DLG2: variants seen among roughly 807,000 people sequenced by gnomAD.
DLG2 encodes discs large MAGUK scaffold protein 2, also known as disks large homolog 2.
In DLG2, 45 loss-of-function variants were observed where a neutral mutation model predicts 132.5. The observed-to-expected ratio is 0.34, with a 90% CI of 0.27 to 0.44. The LOEUF (loss-of-function observed/expected upper bound fraction) is 0.44, where lower values mean the gene tolerates loss of function less well. Ranked by LOEUF, DLG2 falls within the 20% of genes least tolerant of loss-of-function variation. The pLI is 1.00. For missense variants in DLG2, 1,045 were observed against 1,196.9 expected (o/e 0.87, Z 1.87); for synonymous variants, 424 against 419.6 (o/e 1.01, Z -0.13).
intron 3 of DLG2, among the ~76,000 whole-genome samples, chr11:85,496,355 T>A (rs1015061957): frequency 6.6e-6 from 1 of 152,112 alleles, no homozygotes; most frequent in African/African-American, 2.4e-5. Flanking sequence ...GGGAGGAGCA[T>A]CCACCATTGC....
intron 6 of DLG2, among the ~76,000 whole-genome samples, chr11:84,853,662 A>G (rs577027824): frequency 3.3e-5 from 5 of 152,146 alleles, no homozygotes; most frequent in African/African-American, 1.2e-4. Flanking sequence ...CTGCCACATG[A>G]CATTAGCAAC....
intron 15 of DLG2, among the ~76,000 whole-genome samples, 194 bp downstream of exon 15, chr11:83,930,130 ATCAC>A (rs1188471008): frequency 6.6e-6 from 1 of 152,182 alleles, no homozygotes; most frequent in Non-Finnish European, 1.5e-5. Flanking sequence ...GTGCTCTGTG[ATCAC>A]TCCAGGGAAT....
chr11:83,863,373 C>G (rs904323983), intron 16 of DLG2, among the ~76,000 whole-genome samples: 1 of 152,148 alleles, frequency 6.6e-6, no homozygotes, highest in Admixed American at 6.6e-5. Flanking sequence ...CTTACTCACT[C>G]CACTATCTGT....
intron 6 of DLG2, among the ~76,000 whole-genome samples, chr11:84,945,414 A>C (rs1056764597): frequency 3.3e-5 from 5 of 152,062 alleles, no homozygotes; most frequent in African/African-American, 1.2e-4. Flanking sequence ...TCAAACAAAC[A>C]AACCCTCTCT....
intron 11 of DLG2, among the ~76,000 whole-genome samples, chr11:84,056,143 G>T (rs1452033691): frequency 2.0e-5 from 3 of 151,942 alleles, no homozygotes; most frequent in Non-Finnish European, 4.4e-5. Context: ...TACCATGGTG[G>T]TTTGCTGCAC....
chr11:83,865,571 T>C (rs1565403992), intron 16 of DLG2, among the ~76,000 whole-genome samples: 2 of 149,196 alleles, frequency 1.3e-5, no homozygotes, highest in Non-Finnish European at 3.0e-5. Context: ...AGGGAGAAAA[T>C]ACAGAAAATA....
intron 6 of DLG2, among the ~76,000 whole-genome samples, chr11:84,913,776 A>T (rs2154078950): frequency 6.6e-6 from 1 of 152,340 alleles, no homozygotes; most frequent in Admixed American, 6.5e-5. Flanking sequence ...TATTACTTTT[A>T]TAATGTTAAA....
At chr11:85,130,555 T>C (rs1049670725) in intron 5 of DLG2, among the ~76,000 whole-genome samples, 1 of 152,228 alleles carries the variant, frequency 6.6e-6, no homozygotes, top group African/African-American at 2.4e-5. Flanking sequence ...CGAAATGTGC[T>C]GTGAATGAAA....
Position 83,877,303 on chromosome 11 carries a change from T to C in DLG2, c.1497-2815A>G, listed in dbSNP as rs565665492. Reference sequence around the variant, plus strand: ...TTTTTTCCGTATACTTATTGGCTAATTGTATATCTTTTGTGCAAAATGTCT... The same window carrying C: ...TTTTTTCCGTATACTTATTGGCTAACTGTATATCTTTTGTGCAAAATGTCT... On this transcript the variant is annotated intron_variant, in intron 15 of 27. Transcript: ENST00000376104. Among the ~76,000 whole-genome samples, 4 of 152,264 alleles carry C rather than the reference T, an allele frequency of 2.6e-5. No individual in the cohort carries two copies. In the South Asian group the frequency reaches 8.3e-4, roughly 32 times the overall value.
In DLG2 at chr11:85,253,782, A is replaced by G. The variant is rs556152166; in HGVS notation, c.186+31438T>C. 3.3e-5 allele frequency among the ~76,000 whole-genome samples: 5 copies of G among 152,236 alleles called. No individual in the cohort carries two copies. The East Asian group carries it at 5.8e-4, about 18-fold the overall frequency. On this transcript the variant is annotated intron_variant, in intron 4 of 27. Transcript: ENST00000376104. ...GTAAATGTGGGAGATTTCATTGCCA[A>G]TGAAAGTGGCTCTCAGTGAGAAGGG...
intron 16 of DLG2, among the ~76,000 whole-genome samples, chr11:83,856,088 T>C (rs1460841762): frequency 6.6e-6 from 1 of 152,214 alleles, no homozygotes; most frequent in African/African-American, 2.4e-5. Context: ...CATGTGGTAT[T>C]TGGTTTTCTG....
rs537270385 is a variant in DLG2, at chr11:83,517,051, C to T, written c.2193+15657G>A. ...ATCTTTGTGGCATTCTCTGTATTTCCTGAATCTGAATGTTGGCCTGCCTTG... is the reference window on the plus strand; with the variant it reads ...ATCTTTGTGGCATTCTCTGTATTTCTTGAATCTGAATGTTGGCCTGCCTTG... On this transcript the variant is annotated intron_variant, in intron 21 of 27. Coordinates refer to ENST00000376104, the MANE Select transcript of DLG2 (RefSeq NM_001142699.3). 1.9e-3 allele frequency among the ~76,000 whole-genome samples: 293 copies of T among 152,206 alleles called. 4 individuals are homozygous for T. Among genetic ancestry groups the T allele is most frequent in the African/African-American group, 6.8e-3 (283 of 41,510 alleles).
At chr11:84,388,295 AT>A (rs767344452) in intron 7 of DLG2, among the ~76,000 whole-genome samples, 4 of 152,224 alleles carry the variant, frequency 2.6e-5, no homozygotes, top group Non-Finnish European at 5.9e-5. Context: ...AATCTTTCAT[AT>A]TGTCAATCTC....
intron 4 of DLG2, among the ~76,000 whole-genome samples, chr11:85,204,622 C>T (rs548457506): frequency 4.6e-5 from 7 of 152,044 alleles, no homozygotes; most frequent in Admixed American, 1.3e-4. Flanking sequence ...AAGCAATCTA[C>T]GAATTCAATG....
chr11:83,545,442 G>A (rs1465178339), intron 19 of DLG2, among the ~76,000 whole-genome samples: 1 of 152,112 alleles, frequency 6.6e-6, no homozygotes, highest in Non-Finnish European at 1.5e-5. Flanking sequence ...CTTAAAAGCT[G>A]TTTTCTGGAC....
At chr11:84,212,101 G>C (rs564570031) in intron 8 of DLG2, among the ~76,000 whole-genome samples, 44 of 152,272 alleles carry the variant, frequency 2.9e-4, no homozygotes, top group Non-Finnish European at 5.0e-4. Flanking sequence ...TTCAAATGAA[G>C]TAATCTATCT....
chr11:84,118,005 G>A (rs2093717776), intron 9 of DLG2, among the ~76,000 whole-genome samples: 1 of 151,904 alleles, frequency 6.6e-6, no homozygotes, highest in African/African-American at 2.4e-5. Context: ...ACAGGCACGT[G>A]CCACCACCCT....
chr11:84,309,846 T>A (rs558023409), intron 7 of DLG2, among the ~76,000 whole-genome samples: 1 of 152,260 alleles, frequency 6.6e-6, no homozygotes, highest in African/African-American at 2.4e-5. Flanking sequence ...TCTGCACTTT[T>A]ATTTTGTATT....
chr11:83,532,958 T>C (rs2095793395), intron 20 of DLG2, among the ~76,000 whole-genome samples, 175 bp from the exon 21 acceptor site: 1 of 152,212 alleles, frequency 6.6e-6, no homozygotes, highest in Non-Finnish European at 1.5e-5. Flanking sequence ...TCTCTAAGTT[T>C]CTAACATGTC....
Sources: gnomAD v4.1 joint callset for allele counts (sites outside exome capture counted in the v4.1 genomes callset) on GRCh38, gnomAD v4.1.1 for gene constraint, MANE v1.5 for transcripts, NCBI Gene and HGNC (gene_info 2026-07-23, HGNC 2026-07-21) for gene names.